Variants in ESR2 observed in about 807,000 individuals in gnomAD.
The protein encoded by ESR2 is estrogen receptor beta.
ESR2 carries 36 observed loss-of-function variants against 49.6 expected under a neutral mutation model. That is an observed-to-expected ratio of 0.73 (90% CI 0.56 to 0.96). ESR2 has a LOEUF of 0.96. Among genes scored for constraint, ESR2 ranks in the 40% least tolerant of loss-of-function variants. ESR2 has a pLI of 0.00. For synonymous variants in ESR2, 320 were observed against 266.1 expected (o/e 1.20, Z -1.97); for missense variants, 714 against 693.0 (o/e 1.03, Z -0.34).
chr14:64,276,836 C>G (rs1426664291), intron 3 of ESR2, among the ~76,000 whole-genome samples: 2 of 152,192 alleles, frequency 1.3e-5, no homozygotes, highest in Admixed American at 6.5e-5. Context: ...AAAAATGATA[C>G]AGAACTCTGT....
rs781431063 is a variant in ESR2, at chr14:64,260,643, G to T, written c.758C>A (p.Pro253His). Residue 253 changes from proline (P) to histidine (H), a missense_variant, in exon 5 of 9, where the codon CCC (proline) becomes CAC (histidine). Physicochemically the swap from Pro to His is moderately conservative, Grantham distance 77. Coordinates refer to ENST00000341099, the MANE Select transcript of ESR2 (RefSeq NM_001437.3). ...GKAKRSGGHAPRVRELLLDAL... is the reference protein window; with the variant it reads ...GKAKRSGGHAHRVRELLLDAL... ...GTCCAGCAGCAGCTCCCGCACTCGGGGCGCGTGGCCGCCACTTCTCTTGGC... is the reference window on the plus strand; with the variant it reads ...GTCCAGCAGCAGCTCCCGCACTCGGTGCGCGTGGCCGCCACTTCTCTTGGC... The T allele has an allele frequency of 6.2e-7, 1 of 1,608,848 alleles. No homozygotes were observed. Among genetic ancestry groups the T allele is most frequent in the Non-Finnish European group, 8.5e-7 (1 of 1,177,462 alleles).
intron 1 of ESR2, 99 bp from the exon 2 acceptor site, chr14:64,283,174 G>T: frequency 2.0e-6 from 1 of 492,092 alleles, no homozygotes; most frequent in Admixed American, 3.7e-5. Context: ...GTTTGTATGA[G>T]ATTACAAATA....
chr14:64,296,885 A>G (rs1052739751), upstream of ESR2, among the ~76,000 whole-genome samples: 1 of 152,226 alleles, frequency 6.6e-6, no homozygotes, highest in Non-Finnish European at 1.5e-5. Flanking sequence ...AAGAAAGACA[A>G]TGGTACCCAG....
intron 1 of ESR2, among the ~76,000 whole-genome samples, chr14:64,291,013 C>G (rs1387628696): frequency 6.6e-6 from 1 of 152,164 alleles, no homozygotes; most frequent in African/African-American, 2.4e-5. Flanking sequence ...TCTTCTCTCT[C>G]AACAGCAAGT....
At chr14:64,277,315 A>C (rs1596445300) in intron 3 of ESR2, among the ~76,000 whole-genome samples, 2 of 152,134 alleles carry the variant, frequency 1.3e-5, no homozygotes, top group African/African-American at 4.8e-5. Flanking sequence ...TAGCAAGACA[A>C]GTTTAAAATT....
chr14:64,293,253 A>G (rs896505695), intron 1 of ESR2, among the ~76,000 whole-genome samples: 1 of 152,218 alleles, frequency 6.6e-6, no homozygotes, highest in Non-Finnish European at 1.5e-5. Flanking sequence ...TCCCCTCACT[A>G]GACACCGAGT....
chr14:64,273,682 G>A (rs2076495621), intron 3 of ESR2, among the ~76,000 whole-genome samples: 1 of 152,108 alleles, frequency 6.6e-6, no homozygotes. Context: ...TTTTTAACGT[G>A]TTGTTGCATT....
chr14:64,233,349 TTCCC>T, intron 8 of ESR2, 26 bp from the exon 9 acceptor site: 2 of 1,596,518 alleles, frequency 1.3e-6, no homozygotes, highest in Non-Finnish European at 1.7e-6. Context: ...GGTGCTGAGA[TTCCC>T]TCCTCCGAGG....
intron 6 of ESR2, among the ~76,000 whole-genome samples, chr14:64,256,024 G>T (rs1030529901): frequency 5.3e-5 from 8 of 152,232 alleles, no homozygotes; most frequent in Non-Finnish European, 1.0e-4. Flanking sequence ...GTCTTCTGAT[G>T]ATCTAAAGTG....
intron 3 of ESR2, among the ~76,000 whole-genome samples, chr14:64,269,954 G>A (rs1341057793): frequency 1.3e-5 from 2 of 152,218 alleles, no homozygotes; most frequent in East Asian, 3.8e-4. Flanking sequence ...GCAAATGAGA[G>A]ATGTCTGGAT....
intron 3 of ESR2, among the ~76,000 whole-genome samples, chr14:64,273,004 C>A (rs2076480723): frequency 1.2e-5 from 1 of 81,534 alleles, no homozygotes; most frequent in South Asian, 2.8e-4. Flanking sequence ...GAATATCTTT[C>A]CATTTTTTTT....
intron 3 of ESR2, among the ~76,000 whole-genome samples, chr14:64,271,676 G>A (rs1256040): frequency 0.56 from 84,763 of 152,118 alleles, 23,993 homozygotes; most frequent in African/African-American, 0.62. Context: ...TTGTCTTTGT[G>A]TGTCTGGTTA....
upstream of ESR2, chr14:64,298,304 A>C (rs1166483102): frequency 1.3e-5 from 2 of 152,210 alleles, no homozygotes; most frequent in Non-Finnish European, 2.9e-5. Flanking sequence ...CAGATGGGAA[A>C]ACTGAGGCTC....
intron 8 of ESR2, chr14:64,233,978 A>G (rs931397928): frequency 1.3e-5 from 2 of 152,362 alleles, no homozygotes; most frequent in Non-Finnish European, 2.9e-5. Flanking sequence ...ACACTTGTTG[A>G]CAGTATGAGA....
intron 7 of ESR2, among the ~76,000 whole-genome samples, chr14:64,239,610 G>A (rs770661391): frequency 1.7e-4 from 26 of 152,240 alleles, no homozygotes; most frequent in South Asian, 1.2e-3. Context: ...GTGGCAAGAT[G>A]GCCAGTCTGT....
chr14:64,240,174 C>G (rs941338061), intron 7 of ESR2, among the ~76,000 whole-genome samples: 2 of 152,240 alleles, frequency 1.3e-5, no homozygotes, highest in African/African-American at 4.8e-5. Context: ...TGCTGTACCA[C>G]TGCAGATGTG....
In ESR2 at chr14:64,280,875, T is replaced by C. The variant is rs184349754; in HGVS notation, c.363-722A>G. On this transcript the variant is annotated intron_variant, in intron 2 of 8. Transcript: ENST00000341099. ...AAATACAAAAATTAGCCAGACATGG[T>C]GGTGCACACCTGTAATCCCAGCTAC... is the stretch of plus-strand genomic sequence containing the variant. 6.6e-5 allele frequency among the ~76,000 whole-genome samples: 10 copies of C among 152,246 alleles called. 2 individuals are homozygous for C. The highest frequency in any genetic ancestry group is 6.5e-4 in the Admixed American group (10 of 15,294).
chr14:64,302,160 T>TTTA (rs1567790242), intron 1 of ESR2, among the ~76,000 whole-genome samples: 12 of 138,206 alleles, frequency 8.7e-5, no homozygotes, highest in South Asian at 2.3e-4. Flanking sequence ...TATTTTTTAT[T>TTTA]TTTATTTATT....
At chr14:64,318,515 C>T (rs1429905237) in intron 1 of ESR2, among the ~76,000 whole-genome samples, 3 of 84,150 alleles carry the variant, frequency 3.6e-5, no homozygotes, top group Admixed American at 3.7e-4. Flanking sequence ...CTAGCCTGGG[C>T]GACAAGAACG....
Sources: allele counts gnomAD v4.1 joint callset (sites outside exome capture counted in the v4.1 genomes callset), GRCh38; gene constraint gnomAD v4.1.1; transcripts MANE v1.5; gene names NCBI Gene and HGNC (gene_info 2026-07-23, HGNC 2026-07-21).